Variants in ZFYVE28 observed in about 807,000 individuals in gnomAD.
ZFYVE28 encodes lateral signaling target protein 2 homolog.
Under a neutral mutation model 82.1 loss-of-function variants are expected in ZFYVE28, and 40 were observed. That is an observed-to-expected ratio of 0.49 (90% CI 0.38 to 0.63). The LOEUF (loss-of-function observed/expected upper bound fraction) is 0.63. Ranked by LOEUF, ZFYVE28 falls within the 30% of genes least tolerant of loss-of-function variation. ZFYVE28 has a pLI of 0.00. For missense variants in ZFYVE28, 1,321 were observed against 1,242.1 expected (o/e 1.06, Z -0.96); for synonymous variants, 612 against 546.1 (o/e 1.12, Z -1.68).
intron 1 of ZFYVE28, among the ~76,000 whole-genome samples, chr4:2,376,443 T>C (rs1728154725): frequency 6.6e-6 from 1 of 150,624 alleles, no homozygotes; most frequent in Admixed American, 6.6e-5. Context: ...CACACTGTTA[T>C]GAAGAAATAC....
At chr4:2,398,557 C>T (rs971095826) in intron 1 of ZFYVE28, among the ~76,000 whole-genome samples, 5 of 152,042 alleles carry the variant, frequency 3.3e-5, no homozygotes, top group Admixed American at 6.6e-5. Flanking sequence ...TAGGTGAGAT[C>T]CAGCACAAGG....
chr4:2,289,316 A>G lies in ZFYVE28; in HGVS notation c.2051+14973T>C, dbSNP rs969096440. Among the ~76,000 whole-genome samples, 28 of 152,238 alleles carry G rather than the reference A, an allele frequency of 1.8e-4. 1 individual carries two copies. Among genetic ancestry groups the G allele is most frequent in the African/African-American group, 6.0e-4 (25 of 41,442 alleles). ...TAAATTAATAAAATAAAACAGGAGC[A>G]CGATACTGCCCACACAGATTCCTTC... is the stretch of plus-strand genomic sequence containing the variant. On this transcript the variant is annotated intron_variant, in intron 8 of 12. Coordinates refer to ENST00000290974, the MANE Select transcript of ZFYVE28 (RefSeq NM_020972.3).
intron 1 of ZFYVE28, among the ~76,000 whole-genome samples, chr4:2,398,651 A>G (rs1247661166): frequency 6.8e-6 from 1 of 147,326 alleles, no homozygotes; most frequent in Non-Finnish European, 1.5e-5. Context: ...GGCGGGGGCG[A>G]GATCGAGGGT....
chr4:2,355,968 C>A (rs1314093763), intron 1 of ZFYVE28, among the ~76,000 whole-genome samples: 2 of 152,226 alleles, frequency 1.3e-5, no homozygotes, highest in East Asian at 1.9e-4. Flanking sequence ...AGTTCGAATG[C>A]GCTGGCCGTG....
chr4:2,330,468 A>G, intron 6 of ZFYVE28: 1 of 1,074,510 alleles, frequency 9.3e-7, no homozygotes, highest in Non-Finnish European at 1.1e-6. Context: ...AACATCATAA[A>G]GGAGGGGACA....
chr4:2,271,913 G>A, intron 10 of ZFYVE28, 134 bp from the exon 11 acceptor site: 1 of 769,028 alleles, frequency 1.3e-6, no homozygotes, highest in East Asian at 2.7e-5. Context: ...CAGTCTCATG[G>A]CAGGTGGCAC....
Position 2,354,010 on chromosome 4 carries a change from C to A in ZFYVE28, c.103G>T (p.Ala35Ser). The A allele has an allele frequency of 1.9e-6, 3 of 1,585,546 alleles. No homozygotes were observed. Among genetic ancestry groups the A allele is most frequent in the Non-Finnish European group, 2.6e-6 (3 of 1,166,202 alleles). ...YADEELNQVAAELDSLDGRKD... is the reference protein window; with the variant it reads ...YADEELNQVASELDSLDGRKD... The stretch of plus-strand genomic sequence containing the variant: ...CGCCCATCCAGGCTGTCCAGCTCCG[C>A]GGCCACCTGGTTCAGCTCCTCGTCG... The change falls in exon 2 of 13, where the codon GCG (alanine) becomes TCG (serine). Residue 35 changes from alanine (A) to serine (S), a missense_variant. Ala to Ser is a moderately conservative substitution (Grantham distance 99, BLOSUM62 1). Transcript: ENST00000290974.
rs181689967 is a variant in ZFYVE28, at chr4:2,414,927, G to C, written c.39+3358C>G. ...CTCTCTTGAAAAGACTTTAAAGAAA[G>C]GCAAGAAAGTATTTCACCAACATCA... On this transcript the variant is annotated intron_variant, in intron 1 of 12. Coordinates refer to ENST00000290974, the MANE Select transcript of ZFYVE28 (RefSeq NM_020972.3). Among the ~76,000 whole-genome samples, 190 of 152,318 alleles carry C rather than the reference G, an allele frequency of 1.2e-3. 3 individuals carry two copies. The Middle Eastern group carries it at 0.027, about 22-fold the overall frequency.
At chr4:2,369,040 G>GT (rs1727212283) in intron 1 of ZFYVE28, among the ~76,000 whole-genome samples, 1 of 152,226 alleles carries the variant, frequency 6.6e-6, no homozygotes, top group South Asian at 2.1e-4. Context: ...GCTCACTGTG[G>GT]TTTTGACTCT....
At chr4:2,350,486 AAAGT>A (rs1342384327) in intron 2 of ZFYVE28, among the ~76,000 whole-genome samples, 3 of 151,898 alleles carry the variant, frequency 2.0e-5, no homozygotes, top group Non-Finnish European at 4.4e-5. Flanking sequence ...AGAAAGAAAG[AAAGT>A]ATGATATTGT....
chr4:2,308,307 C>T (rs190569394), intron 7 of ZFYVE28, among the ~76,000 whole-genome samples: 1 of 151,876 alleles, frequency 6.6e-6, no homozygotes, highest in Non-Finnish European at 1.5e-5. Context: ...TTATGAAGTA[C>T]ACACAGCAGA....
At chr4:2,287,872 A>T (rs1005334347) in intron 8 of ZFYVE28, among the ~76,000 whole-genome samples, 1 of 152,218 alleles carries the variant, frequency 6.6e-6, no homozygotes, top group African/African-American at 2.4e-5. Context: ...CAAAGTACTG[A>T]ACATAAGGAG....
rs180816992 is a variant in ZFYVE28, at chr4:2,271,233, C to T, written c.2532+78G>A. The T allele has an allele frequency of 2.6e-3, 3,826 of 1,458,158 alleles. 10 individuals carry two copies. Among genetic ancestry groups the T allele is most frequent in the Middle Eastern group, 0.014 (79 of 5,468 alleles). 90.3% of individuals were successfully genotyped at this position (1,458,158 alleles called of 1,614,324 possible). ...TCGCTGGCCTCCCTGGGCATCGGTTCTGACTTCCAGACCTCAGGCTCTGTC... is the reference window on the plus strand; with the variant it reads ...TCGCTGGCCTCCCTGGGCATCGGTTTTGACTTCCAGACCTCAGGCTCTGTC... On this transcript the variant is annotated intron_variant, in intron 12 of 12. Coordinates refer to ENST00000290974, the MANE Select transcript of ZFYVE28 (RefSeq NM_020972.3).
At chr4:2,303,562 C>T (rs1715955263) in intron 8 of ZFYVE28, among the ~76,000 whole-genome samples, 1 of 152,182 alleles carries the variant, frequency 6.6e-6, no homozygotes, top group Admixed American at 6.5e-5. Flanking sequence ...GGGTCAATGG[C>T]CCTGACAACG....
intron 6 of ZFYVE28, among the ~76,000 whole-genome samples, chr4:2,323,589 TTG>T (rs1280000940): frequency 6.6e-6 from 1 of 151,912 alleles, no homozygotes; most frequent in Non-Finnish European, 1.5e-5. Flanking sequence ...CATGTGCACA[TTG>T]TGCAGGTTAG....
intron 11 of ZFYVE28, 90 bp downstream of exon 11, chr4:2,271,585 C>T: frequency 6.8e-7 from 1 of 1,479,814 alleles, no homozygotes; most frequent in Non-Finnish European, 9.4e-7. Flanking sequence ...GGGTGGCCTG[C>T]AGCCCCTCCC....
At chr4:2,291,592 G>A (rs1248982253) in intron 8 of ZFYVE28, among the ~76,000 whole-genome samples, 1 of 152,166 alleles carries the variant, frequency 6.6e-6, no homozygotes, top group African/African-American at 2.4e-5. Context: ...ACTGCTGTGT[G>A]CCTCACTGAG....
intron 1 of ZFYVE28, among the ~76,000 whole-genome samples, chr4:2,377,083 G>A (rs188014011): frequency 2.0e-4 from 30 of 151,058 alleles, no homozygotes; most frequent in Non-Finnish European, 2.8e-4. Context: ...GTGCAGTGGC[G>A]CGATCTTGGC....
intron 2 of ZFYVE28, among the ~76,000 whole-genome samples, chr4:2,345,793 G>A (rs927311350): frequency 1.3e-5 from 2 of 151,594 alleles, no homozygotes; most frequent in African/African-American, 4.8e-5. Flanking sequence ...AAAGTAGCAC[G>A]AGAAAAAAGA....
Sources: gnomAD v4.1 joint callset for allele counts (sites outside exome capture counted in the v4.1 genomes callset) on GRCh38, gnomAD v4.1.1 for gene constraint, MANE v1.5 for transcripts, NCBI Gene and HGNC (gene_info 2026-07-23, HGNC 2026-07-21) for gene names.